The following TMEM163 variants were observed in gnomAD, a reference collection of about 807,000 sequenced individuals.
TMEM163 encodes the protein transmembrane protein 163.
Under a neutral mutation model 29.3 loss-of-function variants are expected in TMEM163, and 17 were observed. The observed-to-expected ratio is 0.58, with a 90% CI of 0.40 to 0.87. TMEM163 has a LOEUF of 0.87. Among genes scored for constraint, TMEM163 ranks in the 40% least tolerant of loss-of-function variants. TMEM163 has a pLI of 0.00. For synonymous variants in TMEM163, 157 were observed against 160.6 expected (o/e 0.98, Z 0.17); for missense variants, 303 against 381.5 (o/e 0.79, Z 1.71).
chr2:134,680,421 C>T (rs1189109212), intron 2 of TMEM163, among the ~76,000 whole-genome samples: 2 of 151,900 alleles, frequency 1.3e-5, no homozygotes, highest in Admixed American at 6.5e-5. Context: ...CACTGTACTC[C>T]AACCTGGGCT....
intron 2 of TMEM163, among the ~76,000 whole-genome samples, chr2:134,623,347 G>T (rs1319895613): frequency 6.6e-6 from 1 of 152,086 alleles, no homozygotes; most frequent in African/African-American, 2.4e-5. Context: ...TTAGTCTTAA[G>T]ACTTCCATTT....
intron 5 of TMEM163, among the ~76,000 whole-genome samples, chr2:134,497,625 A>C (rs1170188586): frequency 6.6e-6 from 1 of 152,202 alleles, no homozygotes; most frequent in Non-Finnish European, 1.5e-5. Context: ...ACTGTTTATA[A>C]AGCATTTCTA....
chr2:134,603,511 A>C (rs1682281107), intron 2 of TMEM163, among the ~76,000 whole-genome samples: 1 of 152,058 alleles, frequency 6.6e-6, no homozygotes, highest in Non-Finnish European at 1.5e-5. Context: ...CAAGACACAC[A>C]CCCACTACTG....
intron 2 of TMEM163, among the ~76,000 whole-genome samples, chr2:134,564,738 C>T (rs1052094506): frequency 3.3e-5 from 5 of 152,126 alleles, no homozygotes; most frequent in Non-Finnish European, 7.4e-5. Context: ...GACCAATAAA[C>T]ATATGAAAAT....
intron 2 of TMEM163, among the ~76,000 whole-genome samples, chr2:134,596,955 A>T (rs572189990): frequency 5.9e-5 from 9 of 152,272 alleles, no homozygotes; most frequent in South Asian, 2.1e-4. Flanking sequence ...ATTTTTGCAC[A>T]TTGATTTTGT....
intron 2 of TMEM163, among the ~76,000 whole-genome samples, chr2:134,655,807 G>C (rs1020455762): frequency 7.1e-6 from 1 of 141,648 alleles, no homozygotes; most frequent in African/African-American, 2.9e-5. Context: ...ATACCCTGCC[G>C]TGTGAGGTGT....
At chr2:134,516,972 A>G (rs891775054) in intron 4 of TMEM163, among the ~76,000 whole-genome samples, 1 of 152,092 alleles carries the variant, frequency 6.6e-6, no homozygotes, top group Non-Finnish European at 1.5e-5. Flanking sequence ...TTATGTGTTT[A>G]GTGGATTAGT....
chr2:134,462,027 C>T (rs1159742034), intron 6 of TMEM163, among the ~76,000 whole-genome samples: 2 of 152,200 alleles, frequency 1.3e-5, no homozygotes, highest in Non-Finnish European at 2.9e-5. Context: ...CCAGATAGTA[C>T]AATTAGCAGG....
intron 7 of TMEM163, among the ~76,000 whole-genome samples, chr2:134,457,758 C>T (rs994050100): frequency 6.6e-6 from 1 of 152,168 alleles, no homozygotes; most frequent in African/African-American, 2.4e-5. Flanking sequence ...TGTCAGGACA[C>T]GAAGGGTCCT....
chr2:134,672,635 C>A (rs1356852391), intron 2 of TMEM163, among the ~76,000 whole-genome samples: 1 of 152,092 alleles, frequency 6.6e-6, no homozygotes, highest in African/African-American at 2.4e-5. Context: ...CTTCAGCCTC[C>A]TAAATTGCTG....
chr2:134,547,104 G>C (rs1243955813), intron 4 of TMEM163, among the ~76,000 whole-genome samples: 3 of 151,976 alleles, frequency 2.0e-5, no homozygotes, highest in Non-Finnish European at 1.5e-5. Context: ...AAGTTCTGGA[G>C]GTCTGTTTCA....
intron 4 of TMEM163, among the ~76,000 whole-genome samples, chr2:134,529,992 C>A (rs1680385142): frequency 6.6e-6 from 1 of 151,986 alleles, no homozygotes; most frequent in South Asian, 2.1e-4. Context: ...GGCATCAGTG[C>A]CTGCCAAGGC....
intron 2 of TMEM163, among the ~76,000 whole-genome samples, chr2:134,712,171 T>C (rs2104900308): frequency 6.6e-6 from 1 of 152,346 alleles, no homozygotes; most frequent in Non-Finnish European, 1.5e-5. Context: ...GGTATAGTGT[T>C]TCCAATATAA....
intron 2 of TMEM163, among the ~76,000 whole-genome samples, chr2:134,710,784 C>T (rs57544858): frequency 0.032 from 4,875 of 152,120 alleles, 257 homozygotes; most frequent in African/African-American, 0.11. Flanking sequence ...AATACAGTCG[C>T]TTTCTCTTCA....
At chr2:134,576,679 G>T (rs1423734492) in intron 2 of TMEM163, among the ~76,000 whole-genome samples, 1 of 152,176 alleles carries the variant, frequency 6.6e-6, no homozygotes. Flanking sequence ...AGGGCCAGCA[G>T]GGGTCATACC....
chr2:134,622,111 G>A lies in TMEM163; in HGVS notation c.323-70020C>T, dbSNP rs372523209. Among the ~76,000 whole-genome samples, 7 of 152,144 alleles carry A rather than the reference G, an allele frequency of 4.6e-5. No individual in the cohort carries two copies. The East Asian group carries it at 1.2e-3, about 25-fold the overall frequency. The stretch of plus-strand genomic sequence containing the variant: ...GATTTATATGAAATTTCCATAAAAG[G>A]CAAACTCTACAGAAACCGAAAGCAG... On this transcript the variant is annotated intron_variant, in intron 2 of 7. Coordinates refer to ENST00000281924, the MANE Select transcript of TMEM163 (RefSeq NM_030923.5).
intron 4 of TMEM163, among the ~76,000 whole-genome samples, chr2:134,523,874 T>G (rs534533961): frequency 6.6e-6 from 1 of 152,360 alleles, no homozygotes; most frequent in East Asian, 1.9e-4. Context: ...TACTTGGCAC[T>G]TTCTGTAGAC....
intron 2 of TMEM163, among the ~76,000 whole-genome samples, chr2:134,633,762 G>A (rs1683030847): frequency 6.6e-6 from 1 of 151,856 alleles, no homozygotes; most frequent in Non-Finnish European, 1.5e-5. Context: ...AGGAGTTCGA[G>A]ACCAGACTGG....
intron 2 of TMEM163, among the ~76,000 whole-genome samples, chr2:134,582,295 G>C (rs1190311143): frequency 6.6e-6 from 1 of 152,146 alleles, no homozygotes; most frequent in Non-Finnish European, 1.5e-5. Flanking sequence ...TCCTGTAGGT[G>C]GGGGAAGGTC....
Sources: gnomAD v4.1 joint callset for allele counts (sites outside exome capture counted in the v4.1 genomes callset) on GRCh38, gnomAD v4.1.1 for gene constraint, MANE v1.5 for transcripts, NCBI Gene and HGNC (gene_info 2026-07-23, HGNC 2026-07-21) for gene names.